RALGPS2: variants seen among roughly 807,000 people sequenced by gnomAD.
RALGPS2 encodes the protein ras-specific guanine nucleotide-releasing factor RalGPS2.
RALGPS2 carries 43 observed loss-of-function variants against 86.8 expected under a neutral mutation model. That is an observed-to-expected ratio of 0.50 (90% confidence interval 0.39 to 0.64). The LOEUF (loss-of-function observed/expected upper bound fraction) is 0.64. Among genes scored for constraint, RALGPS2 ranks in the 30% least tolerant of loss-of-function variants. The pLI is 0.00. For synonymous variants in RALGPS2, 243 were observed against 231.3 expected (o/e 1.05, Z -0.46); for missense variants, 536 against 694.6 (o/e 0.77, Z 2.57).
intron 4 of RALGPS2, 51 bp downstream of exon 4, chr1:178,785,658 A>C: frequency 3.3e-6 from 5 of 1,517,798 alleles, no homozygotes; most frequent in Non-Finnish European, 4.4e-6. Flanking sequence ...GATCAATCTC[A>C]AATTAAGTGT....
At chr1:178,827,362 A>C (rs1251668777) in intron 7 of RALGPS2, among the ~76,000 whole-genome samples, 2 of 152,126 alleles carry the variant, frequency 1.3e-5, no homozygotes, top group Non-Finnish European at 2.9e-5. Flanking sequence ...ATCTTGAGCA[A>C]CAACAAAGCT....
intron 4 of RALGPS2, among the ~76,000 whole-genome samples, chr1:178,805,122 GTTGT>G (rs1297183291): frequency 6.6e-6 from 1 of 151,484 alleles, no homozygotes; most frequent in African/African-American, 2.4e-5. Flanking sequence ...TTTTGATGGG[GTTGT>G]TTGTTTTTTT....
chr1:178,742,927 T>C (rs546814766), intron 1 of RALGPS2, among the ~76,000 whole-genome samples: 1 of 152,314 alleles, frequency 6.6e-6, no homozygotes, highest in South Asian at 2.1e-4. Context: ...CAAATCAGAA[T>C]TTGTGGGGCT....
At chr1:178,749,727 A>C (rs1249283831) in intron 1 of RALGPS2, among the ~76,000 whole-genome samples, 1 of 152,192 alleles carries the variant, frequency 6.6e-6, no homozygotes, top group African/African-American at 2.4e-5. Context: ...TGATGGCTAC[A>C]TGGCTGGATT....
intron 2 of RALGPS2, among the ~76,000 whole-genome samples, chr1:178,780,600 T>TCCTC (rs1409619557): frequency 2.0e-5 from 3 of 152,178 alleles, no homozygotes; most frequent in African/African-American, 7.2e-5. Context: ...CCCCTACTAA[T>TCCTC]CCTCTACTTG....
chr1:178,771,986 C>A (rs551771799), intron 1 of RALGPS2, among the ~76,000 whole-genome samples: 11 of 152,238 alleles, frequency 7.2e-5, no homozygotes, highest in African/African-American at 2.6e-4. Flanking sequence ...TAGTGGCTGT[C>A]CCCTAGGGGT....
intron 10 of RALGPS2, among the ~76,000 whole-genome samples, chr1:178,883,202 C>T (rs901258379): frequency 3.9e-5 from 6 of 152,014 alleles, no homozygotes; most frequent in African/African-American, 1.4e-4. Flanking sequence ...AAAAATTGCC[C>T]TTGGCCAGGC....
chr1:178,844,460 G>A (rs1572391836), intron 8 of RALGPS2, among the ~76,000 whole-genome samples: 1 of 152,162 alleles, frequency 6.6e-6, no homozygotes, highest in East Asian at 1.9e-4. Flanking sequence ...ATTATAAGAA[G>A]TAGAAATGTT....
At chr1:178,912,857 C>CA (rs1660675258) in intron 19 of RALGPS2, among the ~76,000 whole-genome samples, 1 of 152,124 alleles carries the variant, frequency 6.6e-6, no homozygotes, top group African/African-American at 2.4e-5. Context: ...CCATATTTAT[C>CA]AAAGGTTTTG....
chr1:178,845,386 C>T (rs1259309375), intron 8 of RALGPS2, among the ~76,000 whole-genome samples: 2 of 151,890 alleles, frequency 1.3e-5, no homozygotes, highest in Non-Finnish European at 2.9e-5. Flanking sequence ...TTCTTATAAC[C>T]CTCTGTAATA....
intron 1 of RALGPS2, among the ~76,000 whole-genome samples, chr1:178,730,512 A>AT (rs1193906892): frequency 2.0e-5 from 3 of 149,454 alleles, no homozygotes; most frequent in African/African-American, 7.4e-5. Flanking sequence ...TTTGTCTCTA[A>AT]TTTTTTTTTC....
intron 7 of RALGPS2, among the ~76,000 whole-genome samples, chr1:178,824,690 TC>T (rs1655668148): frequency 6.6e-6 from 1 of 152,054 alleles, no homozygotes; most frequent in Admixed American, 6.5e-5. Flanking sequence ...GCGCCTGTAG[TC>T]CCAGCTACTC....
intron 8 of RALGPS2, among the ~76,000 whole-genome samples, chr1:178,860,606 C>T (rs1001024633): frequency 6.6e-6 from 1 of 152,176 alleles, no homozygotes; most frequent in Non-Finnish European, 1.5e-5. Flanking sequence ...CATTCACCCT[C>T]CGCCTAACAT....
At chr1:178,882,897 GTTAGTT>G (rs1191369498) in intron 10 of RALGPS2, among the ~76,000 whole-genome samples, 1 of 152,162 alleles carries the variant, frequency 6.6e-6, no homozygotes, top group East Asian at 1.9e-4. Context: ...TTGTTAGATG[GTTAGTT>G]TTAAATAAGG....
At chr1:178,897,426 C>T (rs187948759) in intron 16 of RALGPS2, among the ~76,000 whole-genome samples, 4 of 152,102 alleles carry the variant, frequency 2.6e-5, no homozygotes, top group Non-Finnish European at 4.4e-5. Flanking sequence ...TAGATAGAAT[C>T]GGGGTTAACT....
At chr1:178,895,891 C>G (rs555538305) in intron 16 of RALGPS2, among the ~76,000 whole-genome samples, 261 of 151,802 alleles carry the variant, frequency 1.7e-3, no homozygotes, top group African/African-American at 6.0e-3. Context: ...AGAGAGGTGG[C>G]AGGGAGATAG....
chr1:178,744,748 G>A (rs530358953), intron 1 of RALGPS2, among the ~76,000 whole-genome samples: 4 of 150,400 alleles, frequency 2.7e-5, no homozygotes, highest in Non-Finnish European at 5.9e-5. Flanking sequence ...AACTGGGAGG[G>A]CAGAGGGTGC....
chr1:178,837,955 T>C (rs1339372482), intron 8 of RALGPS2, among the ~76,000 whole-genome samples: 1 of 152,016 alleles, frequency 6.6e-6, no homozygotes. Context: ...TGAGATCGAA[T>C]TGCAAGGCGG....
At position 178,918,239 on chromosome 1, in the gene RALGPS2, C is replaced by T. The variant is rs1660874309; in HGVS notation, c.*1880C>T. 1 of 152,150 alleles carries T rather than the reference C, an allele frequency of 6.6e-6. No individual in the cohort carries two copies. The highest frequency in any genetic ancestry group is 1.5e-5 in the Non-Finnish European group (1 of 67,984). 9.4% of individuals were successfully genotyped at this position (152,150 alleles called of 1,614,324 possible). ...TAACCCATGTTGGGTAATAGAAAGA[C>T]ATAGCCAGCAGTATTACTACGTAGA... On this transcript the variant is annotated 3_prime_UTR_variant, in exon 20 of 20. Transcript: ENST00000367635.
Sources: allele counts gnomAD v4.1 joint callset (sites outside exome capture counted in the v4.1 genomes callset), GRCh38; gene constraint gnomAD v4.1.1; transcripts MANE v1.5; gene names NCBI Gene and HGNC (gene_info 2026-07-23, HGNC 2026-07-21).